The following COL7A1 variants were observed in gnomAD, a reference collection of about 807,000 sequenced individuals.
COL7A1 encodes collagen type VII alpha 1 chain.
COL7A1 carries 296 observed loss-of-function variants against 456.2 expected under a neutral mutation model. That is an observed-to-expected ratio of 0.65 (90% CI 0.59 to 0.71). The LOEUF (loss-of-function observed/expected upper bound fraction) is 0.71. COL7A1 is among the 30% of genes least tolerant of loss of function. The pLI is 0.00. For synonymous variants in COL7A1, 1,464 were observed against 1,525.9 expected, an observed-to-expected ratio of 0.96 and a Z score of 0.95; for missense variants, 3,441 against 4,017.2, an observed-to-expected ratio of 0.86 and a Z score of 3.88.
In COL7A1 at chr3:48,567,469, C is replaced by G. The variant is rs995477681; in HGVS notation, c.8046+105G>C. ...AGCCCCACTTCAGCCCCCAAAGTCC[C>G]AACCCTCTACAGCCTTCCTTGTCCC... On this transcript the variant is annotated intron_variant, in intron 109 of 118. Transcript: ENST00000681320. The surrounding 1 kb of genome is among the most constrained non-coding windows in gnomAD (Gnocchi z 4.3). The G allele has an allele frequency of 1.3e-6, 2 of 1,526,342 alleles. No homozygotes were observed. Among genetic ancestry groups the G allele is most frequent in the African/African-American group, 2.7e-5 (2 of 73,094 alleles). The allele number at this position is 1,526,342 out of a possible 1,614,324, so 94.5% of individuals were successfully genotyped here.
Position 48,588,147 on chromosome 3 carries a change from C to A in COL7A1, c.2710+135G>T. The A allele has an allele frequency of 1.4e-6, 2 of 1,432,062 alleles. No individual in the cohort carries two copies. Among genetic ancestry groups the A allele is most frequent in the South Asian group, 2.4e-5 (2 of 81,902 alleles). 88.7% of individuals were successfully genotyped at this position (1,432,062 alleles called of 1,614,324 possible). A position where few individuals can be genotyped will look rare whatever the true frequency, so the allele number is the denominator to read the frequency against. On this transcript the variant is annotated intron_variant, in intron 21 of 118. Transcript: ENST00000681320. This position sits in a 1 kb window ranked among gnomAD's most constrained non-coding sequence, Gnocchi z 4.6. ...GATCCCACCCACTTCATTGATTGAT[C>A]TTACCTACTGTCACGGATCCCGCAG...
In COL7A1 at chr3:48,585,516, G is replaced by A; in HGVS notation, c.3894+41C>T. On this transcript the variant is annotated intron_variant, in intron 32 of 118. Coordinates refer to ENST00000681320, the MANE Select transcript of COL7A1 (RefSeq NM_000094.4). This position sits in a 1 kb window ranked among gnomAD's most constrained non-coding sequence, Gnocchi z 4.5. ...CTTGTAAAAACCCCGAGACAGCTTTGAGGAGTGCCTCAGAGAAACCTCGAT... is the reference window on the plus strand; with the variant it reads ...CTTGTAAAAACCCCGAGACAGCTTTAAGGAGTGCCTCAGAGAAACCTCGAT... The A allele has an allele frequency of 6.3e-7, 1 of 1,599,432 alleles. No homozygotes were observed. Among genetic ancestry groups the A allele is most frequent in the East Asian group, 2.2e-5 (1 of 44,814 alleles).
rs2044577083 is a variant in COL7A1 at position 48,579,534 on chromosome 3, G to T, written c.5236-19C>A. The T allele has an allele frequency of 1.2e-6, 2 of 1,613,932 alleles. No homozygotes were observed. Among genetic ancestry groups the T allele is most frequent in the East Asian group, 4.5e-5 (2 of 44,862 alleles). ...CAATGCCCTGAGGATAGGGGAGGAAGAAATCAGAGCAGGCCCTCCCATGCC... is the reference window on the plus strand; with the variant it reads ...CAATGCCCTGAGGATAGGGGAGGAATAAATCAGAGCAGGCCCTCCCATGCC... On this transcript the variant is annotated intron_variant, in intron 59 of 118. Coordinates refer to ENST00000681320, the MANE Select transcript of COL7A1 (RefSeq NM_000094.4). The surrounding 1 kb of genome is among the most constrained non-coding windows in gnomAD (Gnocchi z 4.4).
chr3:48,587,692 T>C lies in COL7A1; in HGVS notation c.2857+101A>G. ...GCTGGGGTCACCCAGGGTCAGAGGG[T>C]GAGGGGTAGGGGTACAGGAGGAGTC... On this transcript the variant is annotated intron_variant, in intron 22 of 118. Coordinates refer to ENST00000681320, the MANE Select transcript of COL7A1 (RefSeq NM_000094.4). The surrounding 1 kb of genome is among the most constrained non-coding windows in gnomAD (Gnocchi z 6.1). 6.2e-7 allele frequency: 1 copy of C among 1,601,956 alleles called. No homozygotes were observed. The highest frequency in any genetic ancestry group is 8.5e-7 in the Non-Finnish European group (1 of 1,170,608).
Position 48,571,400 on chromosome 3 carries a change from T to G in COL7A1, c.7069-122A>C. ...CCATGAACACATGGGAACTCAGACA[T>G]GCGACCAAGAATTGGCTCACAGGAG... On this transcript the variant is annotated intron_variant, in intron 92 of 118. Transcript: ENST00000681320. This position sits in a 1 kb window ranked among gnomAD's most constrained non-coding sequence, Gnocchi z 4.6. The G allele has an allele frequency of 7.9e-7, 1 of 1,262,484 alleles. No homozygotes were observed. The allele number at this position is 1,262,484 out of a possible 1,614,324, so 78.2% of individuals were successfully genotyped here.
Position 48,581,492 on chromosome 3 carries a change from G to A in COL7A1, c.4783-9C>T, listed in dbSNP as rs2107712643. ...GTAAGGCCAATGGGACCCTGAAGGG[G>A]ACAGAAGGGGGGCAGGACTTAGTCA... On this transcript the variant is annotated splice_polypyrimidine_tract_variant and intron_variant, in intron 50 of 118. Transcript: ENST00000681320. This position sits in a 1 kb window ranked among gnomAD's most constrained non-coding sequence, Gnocchi z 5.8. 6.2e-7 allele frequency: 1 copy of A among 1,614,120 alleles called. No individual in the cohort carries two copies. Among genetic ancestry groups the A allele is most frequent in the South Asian group, 1.1e-5 (1 of 91,084 alleles).
Position 48,571,364 on chromosome 3 carries a change from T to C in COL7A1, c.7069-86A>G, listed in dbSNP as rs1306879505. The stretch of plus-strand genomic sequence containing the variant: ...CGGGCTGAAAATATTCCCAGGGGAG[T>C]TCTGATGTGACCATGAACACATGGG... On this transcript the variant is annotated intron_variant, in intron 92 of 118. Coordinates refer to ENST00000681320, the MANE Select transcript of COL7A1 (RefSeq NM_000094.4). This position sits in a 1 kb window ranked among gnomAD's most constrained non-coding sequence, Gnocchi z 4.6. 1.3e-6 allele frequency: 2 copies of C among 1,537,636 alleles called. No individual in the cohort carries two copies. Among genetic ancestry groups the C allele is most frequent in the African/African-American group, 1.4e-5 (1 of 73,056 alleles).
rs753618163 is a variant in COL7A1 at position 48,584,553 on chromosome 3, C to T, written c.4051G>A (p.Ala1351Thr). ...GPRGPKGEPGAPGQVIGGEGP... is the reference protein window; with the variant it reads ...GPRGPKGEPGTPGQVIGGEGP... ...TCACCTCCGATGACTTGTCCGGGAG[C>T]CCCCTGTAAGGACAGAGAGCAGTGG... The change falls in exon 36 of 119, where the codon GCT becomes ACT. Residue 1351 changes from alanine to threonine, a missense_variant. By Grantham distance (58) the Ala-to-Thr change is moderately conservative. Transcript: ENST00000681320. 1.2e-6 allele frequency: 2 copies of T among 1,613,962 alleles called. No homozygotes were observed. Among genetic ancestry groups the T allele is most frequent in the Non-Finnish European group, 1.7e-6 (2 of 1,179,992 alleles).
In COL7A1 at chr3:48,580,104, G is replaced by T. The variant is rs1344646248; in HGVS notation, c.5098-47C>A. On this transcript the variant is annotated intron_variant, in intron 56 of 118. Coordinates refer to ENST00000681320, the MANE Select transcript of COL7A1 (RefSeq NM_000094.4). The surrounding 1 kb of genome is among the most constrained non-coding windows in gnomAD (Gnocchi z 4.5). ...GTCAATAGGAGCCCTCAGGTCCCAG[G>T]CCATGGCTCTGGTTTGCCCCAGGCT... 1 of 1,609,380 alleles carries T rather than the reference G, an allele frequency of 6.2e-7. No homozygotes were observed. The highest frequency in any genetic ancestry group is 8.5e-7 in the Non-Finnish European group (1 of 1,176,412).
In COL7A1 at chr3:48,585,552, C is replaced by T; in HGVS notation, c.3894+5G>A. 2 of 1,613,820 alleles carry T rather than the reference C, an allele frequency of 1.2e-6. No individual in the cohort carries two copies. The highest frequency in any genetic ancestry group is 1.1e-5 in the South Asian group (1 of 91,076). ...CAGAGAAACCTCGATGGTCTCCACA[C>T]TCACCCTCTCGCCCTTGGCAGTGGC... is the stretch of plus-strand genomic sequence containing the variant. On this transcript the variant is annotated splice_donor_5th_base_variant and intron_variant, in intron 32 of 118. Transcript: ENST00000681320. The surrounding 1 kb of genome is among the most constrained non-coding windows in gnomAD (Gnocchi z 4.5).
chr3:48,568,089 C>T lies in COL7A1; in HGVS notation c.7875+1G>A. On this transcript the variant is annotated splice_donor_variant, in intron 106 of 118. Transcript: ENST00000681320. LOFTEE classifies it high-confidence loss of function. This position sits in a 1 kb window ranked among gnomAD's most constrained non-coding sequence, Gnocchi z 5.2. Reference sequence around the variant, plus strand: ...AAAAACCAATCTTGTTTCTTTCCTACCTTGAGGCCCCGGGGACCCATGAAG... The same window carrying T: ...AAAAACCAATCTTGTTTCTTTCCTATCTTGAGGCCCCGGGGACCCATGAAG... 1 of 1,614,208 alleles carries T rather than the reference C, an allele frequency of 6.2e-7. No homozygotes were observed. The highest frequency in any genetic ancestry group is 8.5e-7 in the Non-Finnish European group (1 of 1,180,030).
chr3:48,583,318 C>T lies in COL7A1; in HGVS notation c.4437+75G>A. The stretch of plus-strand genomic sequence containing the variant: ...CTGGAGGGAACTCTTATCTCCTTAT[C>T]TTCCAGCCTCCCCTAACACCATGGG... On this transcript the variant is annotated intron_variant, in intron 42 of 118. Coordinates refer to ENST00000681320, the MANE Select transcript of COL7A1 (RefSeq NM_000094.4). This position sits in a 1 kb window ranked among gnomAD's most constrained non-coding sequence, Gnocchi z 5.1. 6.2e-7 allele frequency: 1 copy of T among 1,611,114 alleles called. No individual in the cohort carries two copies. Among genetic ancestry groups the T allele is most frequent in the Non-Finnish European group, 8.5e-7 (1 of 1,177,614 alleles).
At position 48,569,389 on chromosome 3, in the gene COL7A1, C is replaced by A; in HGVS notation, c.7672G>T (p.Asp2558Tyr). 6.2e-7 allele frequency: 1 copy of A among 1,614,104 alleles called. No homozygotes were observed. The highest frequency in any genetic ancestry group is 8.5e-7 in the Non-Finnish European group (1 of 1,179,990). Reference protein sequence around the residue: ...GDKGPRGDNGDPGDKGSKGEP... With the variant: ...GDKGPRGDNGYPGDKGSKGEP... The stretch of plus-strand genomic sequence containing the variant: ...CTTCCCTGTACCTTGTCACCAGGGT[C>A]CCCATTGTCTCCCCGAGGTCCTTTG... The change falls in exon 103 of 119, where the codon GAC becomes TAC. Residue 2558 changes from aspartate (D) to tyrosine (Y), a missense_variant. Coordinates refer to ENST00000681320, the MANE Select transcript of COL7A1 (RefSeq NM_000094.4). The surrounding 1 kb of genome is among the most constrained non-coding windows in gnomAD (Gnocchi z 4.9).
Position 48,580,987 on chromosome 3 carries a change from G to A in COL7A1, c.4936-61C>T. On this transcript the variant is annotated intron_variant, in intron 53 of 118. Coordinates refer to ENST00000681320, the MANE Select transcript of COL7A1 (RefSeq NM_000094.4). This position sits in a 1 kb window ranked among gnomAD's most constrained non-coding sequence, Gnocchi z 4.5. ...AGTCAGGATCTAACTCACTCAGGGA[G>A]AGGGGACAGAGAAGGGTCTGAGCAG... 1.2e-6 allele frequency: 2 copies of A among 1,608,662 alleles called. No homozygotes were observed. The highest frequency in any genetic ancestry group is 1.3e-5 in the African/African-American group (1 of 74,928).
At position 48,565,812 on chromosome 3, in the gene COL7A1, G is replaced by A; in HGVS notation, c.8408-144C>T. 2 of 823,682 alleles carry A rather than the reference G, an allele frequency of 2.4e-6. No individual in the cohort carries two copies. Among genetic ancestry groups the A allele is most frequent in the South Asian group, 1.5e-5 (1 of 67,492 alleles). The allele number at this position is 823,682 out of a possible 1,614,324, so 51.0% of individuals were successfully genotyped here. ...GTAACAGGAGAGAGAGGAAGAGAGA[G>A]GGTGGGAGGTAGATAGAGAGATGGA... On this transcript the variant is annotated intron_variant, in intron 114 of 118. Coordinates refer to ENST00000681320, the MANE Select transcript of COL7A1 (RefSeq NM_000094.4). The surrounding 1 kb of genome is among the most constrained non-coding windows in gnomAD (Gnocchi z 4.5).
At position 48,573,580 on chromosome 3, in the gene COL7A1, G is replaced by C; in HGVS notation, c.6574-23C>G. Reference sequence around the variant, plus strand: ...ACCCTAGAGAAAAGGGTCAAGGGCAGGGAACAGGGCTCAGGGATTAACACA... The same window carrying C: ...ACCCTAGAGAAAAGGGTCAAGGGCACGGAACAGGGCTCAGGGATTAACACA... On this transcript the variant is annotated intron_variant, in intron 82 of 118. Transcript: ENST00000681320. This position sits in a 1 kb window ranked among gnomAD's most constrained non-coding sequence, Gnocchi z 5.5. 1 of 1,614,082 alleles carries C rather than the reference G, an allele frequency of 6.2e-7. No homozygotes were observed. The highest frequency in any genetic ancestry group is 8.5e-7 in the Non-Finnish European group (1 of 1,180,012).
chr3:48,590,380 C>T lies in COL7A1; in HGVS notation c.1907-24G>A. 2 of 1,614,056 alleles carry T rather than the reference C, an allele frequency of 1.2e-6. No homozygotes were observed. The highest frequency in any genetic ancestry group is 1.7e-6 in the Non-Finnish European group (2 of 1,179,996). On this transcript the variant is annotated intron_variant, in intron 15 of 118. Coordinates refer to ENST00000681320, the MANE Select transcript of COL7A1 (RefSeq NM_000094.4). The surrounding 1 kb of genome is among the most constrained non-coding windows in gnomAD (Gnocchi z 4.6). ...ACCTGAGGTCAGAGGGAAATGCTGG[C>T]ATGGCTCCTGCCTGTCCCCTCTGGC...
chr3:48,571,599 C>T lies in COL7A1; in HGVS notation c.7069-321G>A. The T allele has an allele frequency of 4.5e-6, 3 of 664,226 alleles. No homozygotes were observed. The Admixed American group carries it at 6.2e-5, about 14-fold the overall frequency. 41.1% of individuals were successfully genotyped at this position (664,226 alleles called of 1,614,324 possible). On this transcript the variant is annotated intron_variant, in intron 92 of 118. Coordinates refer to ENST00000681320, the MANE Select transcript of COL7A1 (RefSeq NM_000094.4). The surrounding 1 kb of genome is among the most constrained non-coding windows in gnomAD (Gnocchi z 4.6). Reference sequence around the variant, plus strand: ...CACACGGGCGCTCAGAGGGGAACCCCAACACGTCCACTCCCGGGTAGAGCA... The same window carrying T: ...CACACGGGCGCTCAGAGGGGAACCCTAACACGTCCACTCCCGGGTAGAGCA...
In COL7A1 at chr3:48,584,749, G is replaced by A; in HGVS notation, c.4032C>T (p.Gly1344=). The change falls in exon 35 of 119, where the codon GGC becomes GGT. Residue 1344 remains glycine (G), a synonymous_variant. Transcript: ENST00000681320. ...RGDPGERGPR[G]PKGEPGAPGQ... Reference sequence around the variant, plus strand: ...CTTCACCTACCGGCTCCCCCTTTGGGCCTCGAGGTCCTCGCTCTCCCTGAG... The same window carrying A: ...CTTCACCTACCGGCTCCCCCTTTGGACCTCGAGGTCCTCGCTCTCCCTGAG... The A allele has an allele frequency of 6.2e-7, 1 of 1,613,948 alleles. No individual in the cohort carries two copies. Among genetic ancestry groups the A allele is most frequent in the Non-Finnish European group, 8.5e-7 (1 of 1,180,022 alleles).
Sources: allele counts gnomAD v4.1 joint callset, GRCh38; gene constraint gnomAD v4.1.1; non-coding constraint Gnocchi (gnomAD v3.1); transcripts MANE v1.5; gene names NCBI Gene and HGNC (gene_info 2026-07-23, HGNC 2026-07-21).